The following EYS variants were observed in gnomAD, a reference collection of about 807,000 sequenced individuals.
The protein encoded by EYS is EGF-like photoreceptor maintenance factor, also known as protein eyes shut homolog.
EYS carries 250 observed loss-of-function variants against 282.1 expected under a neutral mutation model. The ratio of observed to expected loss-of-function variants is 0.89; its 90% confidence interval spans 0.80 to 0.98. EYS has a LOEUF of 0.98. Among genes scored for constraint, EYS ranks in the 50% least tolerant of loss-of-function variants. The pLI is 0.00. For missense variants in EYS, 4,016 were observed against 3,709.0 expected, an observed-to-expected ratio of 1.08 and a Z score of -2.15; for synonymous variants, 1,355 against 1,282.9, an observed-to-expected ratio of 1.06 and a Z score of -1.20.
intron 30 of EYS, among the ~76,000 whole-genome samples, chr6:64,276,069 C>T (rs1768107163): frequency 6.6e-6 from 1 of 151,906 alleles, no homozygotes; most frequent in African/African-American, 2.4e-5. Flanking sequence ...GCCTATACAT[C>T]CCTGAGATAA....
chr6:64,209,752 T>C (rs1219590680), intron 31 of EYS, among the ~76,000 whole-genome samples: 1 of 152,144 alleles, frequency 6.6e-6, no homozygotes, highest in East Asian at 1.9e-4. Context: ...TGCCTTTAGC[T>C]GCTGCCCTTG....
intron 26 of EYS, among the ~76,000 whole-genome samples, chr6:64,515,846 C>A (rs914832730): frequency 1.3e-5 from 2 of 151,086 alleles, no homozygotes; most frequent in Non-Finnish European, 3.0e-5. Context: ...ATGGCAATAC[C>A]CAAATATCTT....
chr6:64,389,229 T>A (rs1332907454), intron 28 of EYS, among the ~76,000 whole-genome samples: 2 of 152,192 alleles, frequency 1.3e-5, no homozygotes, highest in African/African-American at 4.8e-5. Flanking sequence ...GTACAATATA[T>A]ACTTAGGTGG....
At chr6:63,839,276 C>G (rs997737431) in intron 36 of EYS, among the ~76,000 whole-genome samples, 1 of 152,136 alleles carries the variant, frequency 6.6e-6, no homozygotes, top group African/African-American at 2.4e-5. Context: ...ATGAGATCAG[C>G]TATTTTAGCT....
intron 1 of EYS, among the ~76,000 whole-genome samples, chr6:65,660,774 T>C (rs903164341): frequency 2.0e-5 from 3 of 151,868 alleles, no homozygotes; most frequent in Admixed American, 6.6e-5. Flanking sequence ...TGATAATTCA[T>C]TTTATTTGCA....
rs1772994473 is a variant in EYS at position 64,388,745 on chromosome 6, G to T, written c.6023C>A (p.Pro2008Gln). 1 of 1,544,874 alleles carries T rather than the reference G, an allele frequency of 6.5e-7. No individual in the cohort carries two copies. The highest frequency in any genetic ancestry group is 8.7e-7 in the Non-Finnish European group (1 of 1,143,732). Residue 2008 changes from proline to glutamine, a missense_variant, in exon 29 of 43, where the codon CCA becomes CAA. Pro to Gln is a moderately conservative substitution (Grantham distance 76, BLOSUM62 -1). Coordinates refer to ENST00000503581, the MANE Select transcript of EYS (RefSeq NM_001142800.2). ...SINHVLGKPL[P>Q]KSGSVFIGGF... The stretch of plus-strand genomic sequence containing the variant: ...ACCAATGAAGACAGATCCTGATTTT[G>T]GCAGGGGTTTTCCGAGTACATGATT...
At chr6:64,769,620 A>G (rs144701494) in intron 22 of EYS, among the ~76,000 whole-genome samples, 74 of 152,158 alleles carry the variant, frequency 4.9e-4, no homozygotes, top group African/African-American at 1.8e-3. Flanking sequence ...GGTGATTTAA[A>G]CATCGTTTTA....
At chr6:64,251,971 A>G (rs997657058) in intron 30 of EYS, among the ~76,000 whole-genome samples, 18 of 152,276 alleles carry the variant, frequency 1.2e-4, no homozygotes, top group Middle Eastern at 3.4e-3. Flanking sequence ...AGGCTGAAAA[A>G]ACAGTATGTG....
intron 35 of EYS, among the ~76,000 whole-genome samples, chr6:63,901,681 T>C (rs1422024179): frequency 6.6e-6 from 1 of 152,134 alleles, no homozygotes; most frequent in East Asian, 1.9e-4. Context: ...AACTTCTCAT[T>C]AGAGATAATG....
intron 31 of EYS, among the ~76,000 whole-genome samples, chr6:64,104,885 T>A (rs1772954854): frequency 6.6e-6 from 1 of 152,012 alleles, no homozygotes; most frequent in African/African-American, 2.4e-5. Flanking sequence ...GCCTTTTAAG[T>A]CAATTCTCTT....
intron 12 of EYS, among the ~76,000 whole-genome samples, chr6:65,078,808 T>G (rs1326956577): frequency 6.6e-6 from 1 of 151,938 alleles, no homozygotes; most frequent in Admixed American, 6.6e-5. Flanking sequence ...GGGAGGCGTT[T>G]TGATCATGCA....
chr6:64,641,196 G>A (rs1768137562), intron 22 of EYS, among the ~76,000 whole-genome samples: 1 of 152,140 alleles, frequency 6.6e-6, no homozygotes, highest in Non-Finnish European at 1.5e-5. Context: ...CATAGCAGAA[G>A]GCAAGGAGGA....
intron 16 of EYS, among the ~76,000 whole-genome samples, chr6:64,910,386 T>A (rs1220668102): frequency 2.6e-5 from 4 of 152,134 alleles, no homozygotes; most frequent in African/African-American, 9.7e-5. Flanking sequence ...TAATTTTTCA[T>A]CTGCTACAGA....
intron 26 of EYS, among the ~76,000 whole-genome samples, chr6:64,441,296 C>T (rs1780426407): frequency 6.6e-6 from 1 of 152,184 alleles, no homozygotes; most frequent in South Asian, 2.1e-4. Flanking sequence ...TCAGGTTACA[C>T]AACTCTGAAT....
chr6:63,789,423 T>C (rs866778474), intron 37 of EYS, among the ~76,000 whole-genome samples, 199 bp from the exon 38 acceptor site: 2 of 152,254 alleles, frequency 1.3e-5, no homozygotes, highest in African/African-American at 4.8e-5. Context: ...CAAGAGTTTA[T>C]GTCTTTGAAG....
At chr6:64,214,797 G>T (rs943876712) in intron 31 of EYS, among the ~76,000 whole-genome samples, 1 of 151,968 alleles carries the variant, frequency 6.6e-6, no homozygotes, top group Non-Finnish European at 1.5e-5. Context: ...TTTATTATTT[G>T]ATTAATGGAA....
At chr6:64,747,185 T>C (rs1261082042) in intron 22 of EYS, among the ~76,000 whole-genome samples, 2 of 152,210 alleles carry the variant, frequency 1.3e-5, no homozygotes, top group African/African-American at 4.8e-5. Flanking sequence ...TTGGTAAGGA[T>C]CAATGGGTTA....
In EYS at chr6:65,161,382, C is replaced by T. The variant is rs902032357; in HGVS notation, c.2024-103655G>A. Among the ~76,000 whole-genome samples the T allele has an allele frequency of 2.7e-5, 4 of 150,868 alleles. No homozygotes were observed. The Admixed American group carries it at 2.7e-4, about 10-fold the overall frequency. On this transcript the variant is annotated intron_variant, in intron 12 of 42. Transcript: ENST00000503581. ...TTCCATGGCTCTTTTTTGATATTCC[C>T]ATAGGATAATGTACAAGCCTCTCTC...
chr6:65,294,994 T>G (rs1443295337), intron 12 of EYS, among the ~76,000 whole-genome samples: 1 of 151,940 alleles, frequency 6.6e-6, no homozygotes, highest in Admixed American at 6.6e-5. Context: ...ACCATTTCCA[T>G]TTTTGGAATT....
Sources: allele counts gnomAD v4.1 joint callset (sites outside exome capture counted in the v4.1 genomes callset), GRCh38; gene constraint gnomAD v4.1.1; transcripts MANE v1.5; gene names NCBI Gene and HGNC (gene_info 2026-07-23, HGNC 2026-07-21).